The following DOCK10 variants were observed in gnomAD, a reference collection of about 807,000 sequenced individuals.
DOCK10 encodes the protein dedicator of cytokinesis protein 10.
DOCK10 carries 145 observed loss-of-function variants against 280.1 expected under a neutral mutation model. That is an observed-to-expected ratio of 0.52 (90% CI 0.45 to 0.59). The LOEUF (loss-of-function observed/expected upper bound fraction) is 0.59. Among genes scored for constraint, DOCK10 ranks in the 20% least tolerant of loss-of-function variants. The probability of loss-of-function intolerance (pLI) is 0.00; values close to 1 mark genes in which losing one functional copy is unlikely to be tolerated. For missense variants in DOCK10, 2,368 were observed against 2,651.7 expected, an observed-to-expected ratio of 0.89 and a Z score of 2.35; for synonymous variants, 915 against 942.2, an observed-to-expected ratio of 0.97 and a Z score of 0.53.
intron 50 of DOCK10, among the ~76,000 whole-genome samples, chr2:224,779,161 T>C (rs1210856029): frequency 6.6e-6 from 1 of 151,950 alleles, no homozygotes; most frequent in Non-Finnish European, 1.5e-5. Flanking sequence ...TCCTGTGGAA[T>C]ACATGTGGCC....
At position 224,781,672 on chromosome 2, in the gene DOCK10, C is replaced by T. The variant is rs372120469; in HGVS notation, c.5656-3388G>A. ...ATGGGAAATGTGATCTCTGCACTTC[C>T]CTTGCTAGTTTGATTTTTAAAATGT... On this transcript the variant is annotated intron_variant, in intron 50 of 55. Transcript: ENST00000258390. 2.6e-4 allele frequency among the ~76,000 whole-genome samples: 39 copies of T among 152,260 alleles called. 2 individuals carry two copies. In the South Asian group the frequency reaches 7.9e-3, roughly 31 times the overall value.
At chr2:225,021,748 C>T (rs879789627) in intron 1 of DOCK10, among the ~76,000 whole-genome samples, 20 of 152,298 alleles carry the variant, frequency 1.3e-4, no homozygotes, top group Non-Finnish European at 2.1e-4. Context: ...AATTTCTCCT[C>T]TGTCTCTTCT....
At chr2:224,886,857 C>A (rs984747514) in intron 4 of DOCK10, among the ~76,000 whole-genome samples, 1 of 149,682 alleles carries the variant, frequency 6.7e-6, no homozygotes, top group Non-Finnish European at 1.5e-5. Context: ...CGGGTTGAAG[C>A]GATTCTCATG....
At chr2:224,876,931 C>T (rs1220859282) in intron 7 of DOCK10, among the ~76,000 whole-genome samples, 1 of 152,220 alleles carries the variant, frequency 6.6e-6, no homozygotes, top group Non-Finnish European at 1.5e-5. Context: ...CAATTCCTTT[C>T]CTGGCTCTGG....
intron 3 of DOCK10, among the ~76,000 whole-genome samples, chr2:224,902,947 A>T (rs184742016): frequency 6.6e-6 from 1 of 151,988 alleles, no homozygotes; most frequent in Non-Finnish European, 1.5e-5. Flanking sequence ...CAAAAAAAAA[A>T]ATTAGCCGGT....
intron 1 of DOCK10, among the ~76,000 whole-genome samples, chr2:224,941,125 A>G (rs1170526011): frequency 6.6e-6 from 1 of 152,134 alleles, no homozygotes; most frequent in Non-Finnish European, 1.5e-5. Context: ...ATAATGGCAA[A>G]GACCATAATC....
At position 224,837,821 on chromosome 2, in the gene DOCK10, C is replaced by T. The variant is rs369073678; in HGVS notation, c.2791G>A (p.Asp931Asn). The T allele has an allele frequency of 3.2e-5, 52 of 1,613,804 alleles. No homozygotes were observed. The highest frequency in any genetic ancestry group is 2.4e-4 in the African/African-American group (18 of 75,050). ...ITTTVTRVLTDIVAKCHEEQL... is the reference protein window; with the variant it reads ...ITTTVTRVLTNIVAKCHEEQL... ...TCCTCATGGCACTTGGCCACAATGT[C>T]GGTCAGAACCCTGCAAAAGCAAAGC... is the stretch of plus-strand genomic sequence containing the variant. Residue 931 changes from aspartate to asparagine, a missense_variant, in exon 25 of 56, where the codon GAC becomes AAC. Physicochemically the swap from Asp to Asn is conservative, Grantham distance 23. Around this residue, in one of 2 missense-constraint regions of DOCK10, gnomAD observed 1,209 missense variants for 1,250.9 expected, o/e 0.97. Transcript: ENST00000258390.
chr2:224,820,064 G>C (rs1283178381), intron 28 of DOCK10, among the ~76,000 whole-genome samples: 1 of 152,140 alleles, frequency 6.6e-6, no homozygotes, highest in Non-Finnish European at 1.5e-5. Flanking sequence ...GTCATAATGA[G>C]GAGTGGTAGA....
intron 1 of DOCK10, among the ~76,000 whole-genome samples, chr2:224,992,487 G>C (rs574713678): frequency 2.4e-4 from 37 of 152,340 alleles, no homozygotes; most frequent in Non-Finnish European, 1.2e-4. Flanking sequence ...CCAGCTCCAG[G>C]GTTTTGAAAG....
intron 50 of DOCK10, among the ~76,000 whole-genome samples, chr2:224,783,833 G>A (rs1196588909): frequency 6.6e-6 from 1 of 152,026 alleles, no homozygotes; most frequent in Non-Finnish European, 1.5e-5. Flanking sequence ...TGGTATGAAT[G>A]TGGGAAGGAA....
intron 52 of DOCK10, among the ~76,000 whole-genome samples, chr2:224,773,645 T>A (rs1303574696): frequency 1.3e-5 from 2 of 151,870 alleles, no homozygotes; most frequent in South Asian, 4.2e-4. Context: ...TATCTTTTTT[T>A]TTTTTTGAGA....
chr2:224,802,430 T>C (rs1421636865), intron 39 of DOCK10, among the ~76,000 whole-genome samples: 2 of 152,160 alleles, frequency 1.3e-5, no homozygotes, highest in Non-Finnish European at 2.9e-5. Context: ...CAAATTATTT[T>C]TGAAGAGATA....
chr2:224,907,049 G>A (rs1468560155), intron 3 of DOCK10, among the ~76,000 whole-genome samples: 1 of 152,152 alleles, frequency 6.6e-6, no homozygotes, highest in East Asian at 1.9e-4. Context: ...TTCACTCTTT[G>A]TAAAGATAAT....
intron 50 of DOCK10, among the ~76,000 whole-genome samples, chr2:224,780,403 G>A (rs777736194): frequency 6.6e-6 from 1 of 152,162 alleles, no homozygotes; most frequent in Non-Finnish European, 1.5e-5. Context: ...GCTTTCAGGC[G>A]AATCCTCATG....
intron 1 of DOCK10, among the ~76,000 whole-genome samples, chr2:225,003,883 C>T (rs10201967): frequency 0.12 from 18,198 of 152,170 alleles, 2,064 homozygotes; most frequent in African/African-American, 0.3. Flanking sequence ...TACATCTGCT[C>T]TACAGGTCCA....
chr2:225,020,830 A>G (rs1273527570), intron 1 of DOCK10, among the ~76,000 whole-genome samples: 1 of 152,240 alleles, frequency 6.6e-6, no homozygotes, highest in Non-Finnish European at 1.5e-5. Context: ...TTTCACACAC[A>G]CACACACATG....
intron 1 of DOCK10, chr2:224,982,326 A>G: frequency 8.1e-7 from 1 of 1,232,022 alleles, no homozygotes; most frequent in Non-Finnish European, 1.0e-6. Context: ...TGGACCACAG[A>G]ACGAAAAGCT....
At chr2:224,942,319 C>T (rs1220282148) in intron 1 of DOCK10, among the ~76,000 whole-genome samples, 1 of 152,234 alleles carries the variant, frequency 6.6e-6, no homozygotes, top group Non-Finnish European at 1.5e-5. Context: ...GACCAAGTTT[C>T]AAATCTCACA....
chr2:224,773,296 G>A lies in DOCK10; in HGVS notation c.6065C>T (p.Ser2022Leu), dbSNP rs1690578649. 11 of 1,613,694 alleles carry A rather than the reference G, an allele frequency of 6.8e-6. No individual in the cohort carries two copies. The highest frequency in any genetic ancestry group is 3.3e-5 in the Admixed American group (2 of 59,996). ...TTCAATTGGATTCAGTTCTGTGCTC[G>A]ATTGGCTAATTACTTGTATTCTCTT... Reference protein sequence around the residue: ...VKKRIQVISQSSTELNPIEVA... With the variant: ...VKKRIQVISQLSTELNPIEVA... Residue 2022 changes from serine to leucine, a missense_variant, in exon 53 of 56, where the codon TCG becomes TTG. Ser to Leu is a moderately radical substitution (Grantham distance 145). Transcript: ENST00000258390.
Sources: allele counts gnomAD v4.1 joint callset (sites outside exome capture counted in the v4.1 genomes callset), GRCh38; gene constraint gnomAD v4.1.1; regional missense constraint gnomAD v4.1.1; transcripts MANE v1.5; gene names NCBI Gene and HGNC (gene_info 2026-07-23, HGNC 2026-07-21).